The following OLFM2 variants were observed in gnomAD, a reference collection of about 807,000 sequenced individuals.
The protein encoded by OLFM2 is noelin-2.
In OLFM2, 20 loss-of-function variants were observed where a neutral mutation model predicts 43.9. The observed-to-expected ratio is 0.46, with a 90% CI of 0.32 to 0.66. OLFM2 has a LOEUF of 0.66. Among genes scored for constraint, OLFM2 ranks in the 30% least tolerant of loss-of-function variants. OLFM2 has a pLI of 0.04. For synonymous variants in OLFM2, 268 were observed against 278.6 expected, an observed-to-expected ratio of 0.96 and a Z score of 0.38; for missense variants, 416 against 643.6, an observed-to-expected ratio of 0.65 and a Z score of 3.83.
chr19:9,899,362 C>T (rs536430617), intron 1 of OLFM2, among the ~76,000 whole-genome samples: 44 of 152,180 alleles, frequency 2.9e-4, no homozygotes, highest in Non-Finnish European at 5.4e-4. Flanking sequence ...CATTCTCTCT[C>T]CCTCTCCAGC....
At chr19:9,870,855 A>G (rs565758303) in intron 1 of OLFM2, among the ~76,000 whole-genome samples, 1 of 152,252 alleles carries the variant, frequency 6.6e-6, no homozygotes, top group East Asian at 1.9e-4. Flanking sequence ...CCTGGGCAAC[A>G]AGAGCAAAAC....
chr19:9,891,869 G>C (rs901824950), intron 1 of OLFM2, among the ~76,000 whole-genome samples: 3 of 152,196 alleles, frequency 2.0e-5, no homozygotes, highest in Non-Finnish European at 2.9e-5. Flanking sequence ...GAACACACAT[G>C]AGCAGGTAGC....
intron 1 of OLFM2, among the ~76,000 whole-genome samples, chr19:9,908,564 C>T (rs1443037070): frequency 6.7e-6 from 1 of 150,016 alleles, no homozygotes; most frequent in African/African-American, 2.5e-5. Flanking sequence ...CTGCGAGCTC[C>T]ACCTCCTGGG....
intron 1 of OLFM2, among the ~76,000 whole-genome samples, chr19:9,918,700 C>T (rs1268709615): frequency 6.6e-6 from 1 of 152,188 alleles, no homozygotes; most frequent in Non-Finnish European, 1.5e-5. Context: ...GGAATTTGCT[C>T]CTGATATATG....
intron 1 of OLFM2, among the ~76,000 whole-genome samples, chr19:9,926,831 A>C (rs1007173495): frequency 6.6e-6 from 1 of 151,852 alleles, no homozygotes. Flanking sequence ...AATAAACAAA[A>C]AAAATTATGT....
chr19:9,891,680 G>C (rs1439648472), intron 1 of OLFM2, among the ~76,000 whole-genome samples: 1 of 151,798 alleles, frequency 6.6e-6, no homozygotes, highest in African/African-American at 2.4e-5. Context: ...TGAGTGGCCA[G>C]ACTAGGCAGA....
rs534314165 is a variant in OLFM2, at chr19:9,913,783, G to A, written c.63+22521C>T. On this transcript the variant is annotated intron_variant, in intron 1 of 5. Coordinates refer to ENST00000264833, the MANE Select transcript of OLFM2 (RefSeq NM_058164.4). ...TCCGGGACGGGGTGAGGGGGGGCTC[G>A]GGGACGCGGGCTGCGGCTCGGCGCG... 5.2e-3 allele frequency: 3,012 copies of A among 576,380 alleles called. 19 individuals are homozygous for A. The highest frequency in any genetic ancestry group is 0.022 in the African/African-American group (1,059 of 49,046). 35.7% of individuals were successfully genotyped at this position (576,380 alleles called of 1,614,324 possible). A position where few individuals can be genotyped will look rare whatever the true frequency, so the allele number is the denominator to read the frequency against.
intron 1 of OLFM2, among the ~76,000 whole-genome samples, chr19:9,865,427 C>T (rs1405763289): frequency 2.0e-5 from 3 of 151,266 alleles, no homozygotes; most frequent in South Asian, 4.2e-4. Context: ...CCTCCTGCCT[C>T]AGCCTCCCAA....
rs1354618307 is a variant in OLFM2 at position 9,854,258 on chromosome 19, G to C, written c.1293C>G (p.Thr431=). The C allele has an allele frequency of 6.2e-7, 1 of 1,614,194 alleles. No individual in the cohort carries two copies. The highest frequency in any genetic ancestry group is 8.5e-7 in the Non-Finnish European group (1 of 1,180,036). Residue 431 remains threonine, a synonymous_variant, in exon 6 of 6, where the codon ACC becomes ACG. Transcript: ENST00000264833. This position sits in a 1 kb window ranked among gnomAD's most constrained non-coding sequence, Gnocchi z 9.5. ...DYNPRERALY[T]WNNGHQVLYN... Reference sequence around the variant, plus strand: ...AGAGCACCTGGTGGCCGTTGTTCCAGGTATAGAGGGCGCGCTCCCGGGGGT... The same window carrying C: ...AGAGCACCTGGTGGCCGTTGTTCCACGTATAGAGGGCGCGCTCCCGGGGGT...
Position 9,854,621 on chromosome 19 carries a change from G to A in OLFM2, c.930C>T (p.Asn310=), listed in dbSNP as rs770677611. 29 of 1,614,208 alleles carry A rather than the reference G, an allele frequency of 1.8e-5. No individual in the cohort carries two copies. Among genetic ancestry groups the A allele is most frequent in the South Asian group, 5.5e-5 (5 of 91,090 alleles). ...VQRSLPGAGY[N]NTFPYSWGGF... ...CGCCCCAGGAGTAGGGGAAGGTGTTGTTGTAACCGGCGCCCGGGAGGCTCC... is the reference window on the plus strand; with the variant it reads ...CGCCCCAGGAGTAGGGGAAGGTGTTATTGTAACCGGCGCCCGGGAGGCTCC... Residue 310 remains asparagine (N), a synonymous_variant, in exon 6 of 6, where the codon AAC becomes AAT. Coordinates refer to ENST00000264833, the MANE Select transcript of OLFM2 (RefSeq NM_058164.4). The surrounding 1 kb of genome is among the most constrained non-coding windows in gnomAD (Gnocchi z 9.5).
At chr19:9,896,963 G>A (rs1314385253) in intron 1 of OLFM2, among the ~76,000 whole-genome samples, 1 of 152,090 alleles carries the variant, frequency 6.6e-6, no homozygotes, top group Non-Finnish European at 1.5e-5. Context: ...AGGCTGAGAC[G>A]GGTGGATCGC....
At chr19:9,868,461 C>T (rs2046419187) in intron 1 of OLFM2, among the ~76,000 whole-genome samples, 1 of 152,096 alleles carries the variant, frequency 6.6e-6, no homozygotes, top group African/African-American at 2.4e-5. Flanking sequence ...CCCACCTCAG[C>T]CTCCCAAAGT....
intron 1 of OLFM2, among the ~76,000 whole-genome samples, chr19:9,924,925 T>C (rs2086443678): frequency 6.6e-6 from 1 of 151,720 alleles, no homozygotes; most frequent in South Asian, 2.1e-4. Flanking sequence ...TATATAGATA[T>C]GATTGATATA....
intron 1 of OLFM2, among the ~76,000 whole-genome samples, chr19:9,867,496 G>A (rs1375780047): frequency 6.6e-6 from 1 of 152,216 alleles, no homozygotes; most frequent in Non-Finnish European, 1.5e-5. Flanking sequence ...AACAGGAAGA[G>A]AGCAAGCGCC....
At chr19:9,905,908 C>G (rs1181260742) in intron 1 of OLFM2, among the ~76,000 whole-genome samples, 1 of 152,228 alleles carries the variant, frequency 6.6e-6, no homozygotes, top group Non-Finnish European at 1.5e-5. Flanking sequence ...CGCACCTCAA[C>G]AGTCAGGCAT....
At chr19:9,911,532 C>T (rs1012346658) in intron 1 of OLFM2, among the ~76,000 whole-genome samples, 4 of 152,054 alleles carry the variant, frequency 2.6e-5, no homozygotes, top group Non-Finnish European at 5.9e-5. Context: ...GGGCATCCTA[C>T]CCACATGCAC....
In OLFM2 at chr19:9,912,567, C is replaced by A. The variant is rs1480014063; in HGVS notation, c.63+23737G>T. On this transcript the variant is annotated intron_variant, in intron 1 of 5. Transcript: ENST00000264833. ...GGGAAAGGCATATCTGGAGGAGGCC[C>A]AGGGAAGTTTGCAGTGAAGGAAACC... Among the ~76,000 whole-genome samples the A allele has an allele frequency of 2.0e-5, 3 of 151,898 alleles. No homozygotes were observed. The East Asian group carries it at 5.8e-4, about 29-fold the overall frequency.
At chr19:9,934,098 T>A (rs1185351038) in intron 1 of OLFM2, among the ~76,000 whole-genome samples, 1 of 152,140 alleles carries the variant, frequency 6.6e-6, no homozygotes, top group African/African-American at 2.4e-5. Context: ...CCTGGGCCCA[T>A]CAGGGACAGG....
chr19:9,859,238 GCTAC>G (rs1280870368), intron 2 of OLFM2, among the ~76,000 whole-genome samples: 2 of 152,230 alleles, frequency 1.3e-5, no homozygotes, highest in African/African-American at 4.8e-5. Context: ...TCACGTTTCA[GCTAC>G]CTGAGGCCAA....
Sources: gnomAD v4.1 joint callset for allele counts (sites outside exome capture counted in the v4.1 genomes callset) on GRCh38, gnomAD v4.1.1 for gene constraint, Gnocchi (gnomAD v3.1) non-coding constraint, MANE v1.5 for transcripts, NCBI Gene and HGNC (gene_info 2026-07-23, HGNC 2026-07-21) for gene names.